PDE9A: variants seen among roughly 807,000 people sequenced by gnomAD.
PDE9A encodes the protein phosphodiesterase 9A.
In PDE9A, 60 loss-of-function variants were observed where a neutral mutation model predicts 87.4. The ratio of observed to expected loss-of-function variants is 0.69; its 90% CI spans 0.56 to 0.85. The LOEUF (loss-of-function observed/expected upper bound fraction) is 0.85. PDE9A is among the 40% of genes least tolerant of loss of function. The pLI is 0.00. For missense variants in PDE9A, 665 were observed against 779.0 expected, an observed-to-expected ratio of 0.85 and a Z score of 1.74; for synonymous variants, 272 against 279.4, an observed-to-expected ratio of 0.97 and a Z score of 0.27.
chr21:42,693,201 A>G (rs1048760833), intron 3 of PDE9A, among the ~76,000 whole-genome samples: 3 of 152,334 alleles, frequency 2.0e-5, no homozygotes, highest in Admixed American at 2.0e-4. Context: ...AGGCGTCCTA[A>G]GCACACACGC....
At chr21:42,750,046 G>A (rs970950808) in intron 8 of PDE9A, among the ~76,000 whole-genome samples, 4 of 152,202 alleles carry the variant, frequency 2.6e-5, no homozygotes, top group African/African-American at 7.2e-5. Context: ...GCTGAAGCAC[G>A]AGAATTGCTT....
rs751417160 is a variant in PDE9A, at chr21:42,675,817, GA to G, written c.70-10374del. Among the ~76,000 whole-genome samples the G allele has an allele frequency of 3.3e-5, 5 of 152,196 alleles. No homozygotes were observed. The highest frequency in any genetic ancestry group is 5.9e-5 in the Non-Finnish European group (4 of 68,036). ...GCGAGACAAGCCCCCATCTGATCCA[GA>G]TTCTCCAGTTGTACTTGCTGATGTC... On this transcript the variant is annotated intron_variant, in intron 1 of 19. Coordinates refer to ENST00000291539, the MANE Select transcript of PDE9A (RefSeq NM_002606.3). The surrounding 1 kb of genome is among the most constrained non-coding windows in gnomAD (Gnocchi z 4.3).
At position 42,739,710 on chromosome 21, in the gene PDE9A, G is replaced by C. The variant is rs972754305; in HGVS notation, c.569-4066G>C. On this transcript the variant is annotated intron_variant, in intron 7 of 19. Transcript: ENST00000291539. The surrounding 1 kb of genome is among the most constrained non-coding windows in gnomAD (Gnocchi z 4.1). ...CACCTCAATAGGTAGCCAGGGAAGC[G>C]GATCTCGGTGGACTCTGCACTGTCA... is the stretch of plus-strand genomic sequence containing the variant. Among the ~76,000 whole-genome samples, 1 of 151,974 alleles carries C rather than the reference G, an allele frequency of 6.6e-6. No homozygotes were observed. The highest frequency in any genetic ancestry group is 1.5e-5 in the Non-Finnish European group (1 of 68,016).
chr21:42,655,560 G>C (rs2056996214), intron 1 of PDE9A, among the ~76,000 whole-genome samples: 1 of 152,192 alleles, frequency 6.6e-6, no homozygotes. Context: ...CTTTGCGGGG[G>C]AGAGGCGGAT....
intron 1 of PDE9A, among the ~76,000 whole-genome samples, 193 bp downstream of exon 1, chr21:42,654,076 TGGGGGGTG>T (rs959833193): frequency 2.2e-4 from 9 of 40,006 alleles, no homozygotes; most frequent in African/African-American, 9.1e-4. Context: ...CCCTGGGGGG[TGGGGGGTG>T]GGGGGGCGGG....
chr21:42,775,485 T>G lies in PDE9A; in HGVS notation c.*192T>G. The G allele has an allele frequency of 1.9e-6, 1 of 519,774 alleles. No individual in the cohort carries two copies. Among genetic ancestry groups the G allele is most frequent in the East Asian group, 3.3e-5 (1 of 30,226 alleles). 32.2% of individuals were successfully genotyped at this position (519,774 alleles called of 1,614,324 possible). Reference sequence around the variant, plus strand: ...AGAATTTTATTTTTAAACTGTCTTTTAAATAATATATTCTTATACGGAAAT... The same window carrying G: ...AGAATTTTATTTTTAAACTGTCTTTGAAATAATATATTCTTATACGGAAAT... On this transcript the variant is annotated 3_prime_UTR_variant, in exon 20 of 20. Transcript: ENST00000291539.
At chr21:42,686,307 C>A (rs370949681) in intron 2 of PDE9A, 45 bp downstream of exon 2, 498 of 1,536,208 alleles carry the variant, frequency 3.2e-4, no homozygotes, top group Non-Finnish European at 4.4e-4. Flanking sequence ...CACGCGGCCT[C>A]CTCGCCTTTT....
chr21:42,737,901 T>C (rs2146804685), intron 7 of PDE9A, among the ~76,000 whole-genome samples: 1 of 152,338 alleles, frequency 6.6e-6, no homozygotes, highest in South Asian at 2.1e-4. Context: ...GAATATAAAT[T>C]TCTTCATTTC....
intron 10 of PDE9A, chr21:42,758,021 G>C (rs2147069052): frequency 6.6e-6 from 1 of 152,568 alleles, no homozygotes. Context: ...CTCCAGCAGG[G>C]ATGGCCCAGT....
At chr21:42,770,344 A>C (rs1398990661) in intron 17 of PDE9A, among the ~76,000 whole-genome samples, 1 of 152,058 alleles carries the variant, frequency 6.6e-6, no homozygotes, top group East Asian at 1.9e-4. Flanking sequence ...GCTCTAGGGC[A>C]TCTCTTGGAG....
At chr21:42,685,467 C>CTTTTTTT (rs765252066) in intron 1 of PDE9A, among the ~76,000 whole-genome samples, 17 of 115,946 alleles carry the variant, frequency 1.5e-4, no homozygotes, top group African/African-American at 6.1e-4. Flanking sequence ...GAAAGGCAGT[C>CTTTTTTT]TTTTTTTTTT....
At chr21:42,671,025 T>C (rs534514481) in intron 1 of PDE9A, among the ~76,000 whole-genome samples, 1 of 152,286 alleles carries the variant, frequency 6.6e-6, no homozygotes, top group Admixed American at 6.5e-5. Flanking sequence ...CTGTTGTTAA[T>C]TTTTTCTCCA....
intron 8 of PDE9A, among the ~76,000 whole-genome samples, chr21:42,747,927 C>A (rs113460536): frequency 0.016 from 2,482 of 152,330 alleles, 62 homozygotes; most frequent in African/African-American, 0.054. Context: ...AGAAAGAGCT[C>A]CATGCCAGCT....
At chr21:42,654,876 G>C (rs1052301296) in intron 1 of PDE9A, among the ~76,000 whole-genome samples, 5 of 152,222 alleles carry the variant, frequency 3.3e-5, no homozygotes, top group Non-Finnish European at 5.9e-5. Context: ...CGCTTTGAGA[G>C]ACTCAGATAA....
chr21:42,749,530 G>T (rs2054208672), intron 8 of PDE9A, among the ~76,000 whole-genome samples: 10 of 152,228 alleles, frequency 6.6e-5, no homozygotes. Context: ...CAACCGGAAG[G>T]TGGCTTTCCT....
intron 4 of PDE9A, among the ~76,000 whole-genome samples, chr21:42,714,276 CA>C (rs1347217165): frequency 6.6e-6 from 1 of 152,160 alleles, no homozygotes; most frequent in African/African-American, 2.4e-5. Flanking sequence ...CTTGACCTCC[CA>C]AAGTGCTGGG....
At chr21:42,768,100 G>A in intron 15 of PDE9A, 88 bp from the exon 16 acceptor site, 2 of 813,234 alleles carry the variant, frequency 2.5e-6, no homozygotes, top group Non-Finnish European at 4.3e-6. Flanking sequence ...GTCTCTTCCT[G>A]CCTGTAATGG....
At chr21:42,698,007 G>A (rs2060234617) in intron 3 of PDE9A, among the ~76,000 whole-genome samples, 2 of 152,210 alleles carry the variant, frequency 1.3e-5, no homozygotes, top group African/African-American at 4.8e-5. Flanking sequence ...GGGCACTCAG[G>A]AAGAAATGGG....
In PDE9A at chr21:42,760,575, C is replaced by T; in HGVS notation, c.1002+143C>T. On this transcript the variant is annotated intron_variant, in intron 12 of 19. Coordinates refer to ENST00000291539, the MANE Select transcript of PDE9A (RefSeq NM_002606.3). The surrounding 1 kb of genome is among the most constrained non-coding windows in gnomAD (Gnocchi z 5.2). Reference sequence around the variant, plus strand: ...GCTCCGCCCCTCCTAGGGACGCACCCCTGCCCACCGTTGTCAGTCACCCCA... The same window carrying T: ...GCTCCGCCCCTCCTAGGGACGCACCTCTGCCCACCGTTGTCAGTCACCCCA... The T allele has an allele frequency of 3.1e-6, 2 of 639,844 alleles. No individual in the cohort carries two copies. Among genetic ancestry groups the T allele is most frequent in the Admixed American group, 2.5e-5 (1 of 39,410 alleles). The allele number at this position is 639,844 out of a possible 1,614,324, so 39.6% of individuals were successfully genotyped here. A position where few individuals can be genotyped will look rare whatever the true frequency, so the allele number is the denominator to read the frequency against.
Sources: allele counts gnomAD v4.1 joint callset (sites outside exome capture counted in the v4.1 genomes callset), GRCh38; gene constraint gnomAD v4.1.1; non-coding constraint Gnocchi (gnomAD v3.1); transcripts MANE v1.5; gene names NCBI Gene and HGNC (gene_info 2026-07-23, HGNC 2026-07-21).